The following RBFOX3 variants were observed in gnomAD, a reference collection of about 807,000 sequenced individuals.
RBFOX3 encodes RNA binding protein fox-1 homolog 3.
In RBFOX3, 17 loss-of-function variants were observed where a neutral mutation model predicts 48.7. That is an observed-to-expected ratio of 0.35 (90% CI 0.24 to 0.52). The LOEUF (loss-of-function observed/expected upper bound fraction) is 0.52, where lower values mean the gene tolerates loss of function less well. RBFOX3 is among the 20% of genes least tolerant of loss of function. The pLI is 0.94. For synonymous variants in RBFOX3, 212 were observed against 209.5 expected (o/e 1.01, Z -0.10); for missense variants, 382 against 497.5 (o/e 0.77, Z 2.21).
chr17:79,466,875 G>A (rs914983034), intron 2 of RBFOX3, among the ~76,000 whole-genome samples: 2 of 152,078 alleles, frequency 1.3e-5, no homozygotes, highest in Admixed American at 6.5e-5. Flanking sequence ...ACACGACCAG[G>A]TGTGAAGAGG....
chr17:79,539,689 C>T (rs1555789663), intron 1 of RBFOX3, among the ~76,000 whole-genome samples: 1 of 152,190 alleles, frequency 6.6e-6, no homozygotes, highest in African/African-American at 2.4e-5. Flanking sequence ...CTATTCATTT[C>T]ACTTTATACA....
chr17:79,209,484 C>T (rs914557461), intron 4 of RBFOX3, among the ~76,000 whole-genome samples: 6 of 152,178 alleles, frequency 3.9e-5, no homozygotes, highest in South Asian at 2.1e-4. Context: ...AAAATGTGGC[C>T]GGCACCGCAG....
At chr17:79,246,133 TC>T (rs376650026) in intron 3 of RBFOX3, among the ~76,000 whole-genome samples, 7 of 152,310 alleles carry the variant, frequency 4.6e-5, no homozygotes, top group African/African-American at 1.7e-4. Context: ...CTGACGTGCT[TC>T]CGTCTGATTT....
At chr17:79,357,087 G>T (rs751656746) in intron 2 of RBFOX3, among the ~76,000 whole-genome samples, 32 of 152,192 alleles carry the variant, frequency 2.1e-4, no homozygotes, top group Non-Finnish European at 8.8e-5. Flanking sequence ...AGCCCCACGG[G>T]GGCCCCAGAC....
chr17:79,526,717 T>G (rs1160605703), intron 1 of RBFOX3, among the ~76,000 whole-genome samples: 2 of 152,166 alleles, frequency 1.3e-5, no homozygotes, highest in African/African-American at 4.8e-5. Flanking sequence ...CCCTGGCACA[T>G]GGAGTTTGAA....
At chr17:79,305,514 G>T (rs1325267046) in intron 3 of RBFOX3, among the ~76,000 whole-genome samples, 2 of 152,144 alleles carry the variant, frequency 1.3e-5, no homozygotes, top group Non-Finnish European at 2.9e-5. Flanking sequence ...CTGCCCCCTT[G>T]TCCGCCTCCT....
At chr17:79,334,390 G>A (rs2080872395) in intron 2 of RBFOX3, among the ~76,000 whole-genome samples, 1 of 152,178 alleles carries the variant, frequency 6.6e-6, no homozygotes, top group Admixed American at 6.5e-5. Flanking sequence ...TAGGTTACAG[G>A]GACTTGTTGG....
chr17:79,379,036 A>T (rs1364051952), intron 2 of RBFOX3, among the ~76,000 whole-genome samples: 1 of 152,020 alleles, frequency 6.6e-6, no homozygotes, highest in Admixed American at 6.5e-5. Context: ...CCTCCTGGGG[A>T]GGGGGATTCT....
intron 4 of RBFOX3, among the ~76,000 whole-genome samples, chr17:79,230,373 C>T (rs1046564188): frequency 6.6e-6 from 1 of 152,210 alleles, no homozygotes; most frequent in African/African-American, 2.4e-5. Context: ...GATTCTCCTG[C>T]TTCAGCCTCC....
chr17:79,187,312 T>C (rs74001651), intron 4 of RBFOX3, among the ~76,000 whole-genome samples: 15,535 of 152,212 alleles, frequency 0.1, 821 homozygotes, highest in South Asian at 0.12. Context: ...CTCTTTCCCC[T>C]TCCAGGCGCC....
chr17:79,457,831 AAGAGC>A (rs1244959327), intron 2 of RBFOX3, among the ~76,000 whole-genome samples: 2 of 152,380 alleles, frequency 1.3e-5, no homozygotes, highest in Admixed American at 1.3e-4. Context: ...CGTGACCTCT[AAGAGC>A]AGAGGCGACT....
Position 79,363,428 on chromosome 17 carries a change from G to T in RBFOX3, c.-174-55604C>A, listed in dbSNP as rs140525479. ...GGGGGCTAAGGTGTTCCCAGGCCTGGTCACCTCCACCCCAGACTTCCAAAC... is the reference window on the plus strand; with the variant it reads ...GGGGGCTAAGGTGTTCCCAGGCCTGTTCACCTCCACCCCAGACTTCCAAAC... On this transcript the variant is annotated intron_variant, in intron 2 of 14. Coordinates refer to ENST00000693108, the MANE Select transcript of RBFOX3 (RefSeq NM_001350451.2). This position sits in a 1 kb window ranked among gnomAD's most constrained non-coding sequence, Gnocchi z 4.7. 8.2e-4 allele frequency among the ~76,000 whole-genome samples: 125 copies of T among 152,154 alleles called. 1 individual carries two copies. The East Asian group carries it at 0.018, about 22-fold the overall frequency.
intron 2 of RBFOX3, among the ~76,000 whole-genome samples, chr17:79,327,991 G>A (rs1257328018): frequency 1.3e-5 from 2 of 152,196 alleles, no homozygotes; most frequent in African/African-American, 4.8e-5. Context: ...ACCGCACCTG[G>A]CCTTCCTTCT....
intron 3 of RBFOX3, among the ~76,000 whole-genome samples, chr17:79,270,927 C>T (rs4239026): frequency 6.6e-6 from 1 of 152,142 alleles, no homozygotes; most frequent in African/African-American, 2.4e-5. Context: ...TATGCAACAA[C>T]ATGCTAGGGC....
In RBFOX3 at chr17:79,421,462, T is replaced by C. The variant is rs1174821158; in HGVS notation, c.-175+60992A>G. ...TCCAGAGCCCACGGACCACAGCCAC[T>C]GGCAGGACAGCAGCTCTCAGCCCCT... On this transcript the variant is annotated intron_variant, in intron 2 of 14. Coordinates refer to ENST00000693108, the MANE Select transcript of RBFOX3 (RefSeq NM_001350451.2). This position sits in a 1 kb window ranked among gnomAD's most constrained non-coding sequence, Gnocchi z 4.5. Among the ~76,000 whole-genome samples, 6 of 152,098 alleles carry C rather than the reference T, an allele frequency of 3.9e-5. No homozygotes were observed. The highest frequency in any genetic ancestry group is 1.4e-4 in the African/African-American group (6 of 41,418).
chr17:79,556,870 T>G (rs2091800652), intron 1 of RBFOX3, among the ~76,000 whole-genome samples: 1 of 152,142 alleles, frequency 6.6e-6, no homozygotes, highest in South Asian at 2.1e-4. Context: ...GGGTTGCTGC[T>G]GCCCAGGGGT....
chr17:79,309,001 G>A (rs1229252147), intron 2 of RBFOX3, among the ~76,000 whole-genome samples: 1 of 151,858 alleles, frequency 6.6e-6, no homozygotes, highest in Non-Finnish European at 1.5e-5. Flanking sequence ...TAGCTACCAG[G>A]GAGTCTGAGA....
the RBFOX3 span, among the ~76,000 whole-genome samples, chr17:79,627,511 C>T: frequency 1.3e-5 from 2 of 152,204 alleles, no homozygotes; most frequent in African/African-American, 2.4e-5. Context: ...AGCCCTCAGG[C>T]CTGACTCCAG....
At chr17:79,551,520 T>C (rs2091148492) in intron 1 of RBFOX3, among the ~76,000 whole-genome samples, 1 of 25,922 alleles carries the variant, frequency 3.9e-5, no homozygotes, top group East Asian at 1.2e-3. Flanking sequence ...GGTGGATGGG[T>C]GGATGGATGG....
Sources: allele counts gnomAD v4.1 joint callset (sites outside exome capture counted in the v4.1 genomes callset), GRCh38; gene constraint gnomAD v4.1.1; non-coding constraint Gnocchi (gnomAD v3.1); transcripts MANE v1.5; gene names NCBI Gene and HGNC (gene_info 2026-07-23, HGNC 2026-07-21).